VCPIP1: variants seen among roughly 807,000 people sequenced by gnomAD.
VCPIP1 encodes deubiquitinating protein VCPIP1.
A neutral mutation model predicts 85.0 loss-of-function variants in VCPIP1; 8 were observed. That is an observed-to-expected ratio of 0.09 (90% CI 0.06 to 0.17). VCPIP1 has a LOEUF of 0.17. VCPIP1 is among the 10% of genes least tolerant of loss of function. The pLI is 1.00. For missense variants in VCPIP1, 1,070 were observed against 1,486.3 expected, an observed-to-expected ratio of 0.72 and a Z score of 4.61; for synonymous variants, 543 against 544.5, an observed-to-expected ratio of 1.00 and a Z score of 0.04.
Position 66,664,387 on chromosome 8 carries a change from C to T in VCPIP1, c.2572G>A (p.Gly858Ser). ...IEILKSKAEG[G>S]QSAAAHSAHT... ...GCTGAGTGTGCTGCAGCAGACTGAC[C>T]ACCTTCAGCTTTACTTTTTAGAATT... The change falls in exon 1 of 3, where the codon GGT becomes AGT. Residue 858 changes from glycine to serine, a missense_variant. Physicochemically the swap from Gly to Ser is moderately conservative, Grantham distance 56 (BLOSUM62 0). Coordinates refer to ENST00000310421, the MANE Select transcript of VCPIP1 (RefSeq NM_025054.5). The T allele has an allele frequency of 6.2e-7, 1 of 1,613,704 alleles. No individual in the cohort carries two copies. Among genetic ancestry groups the T allele is most frequent in the South Asian group, 1.1e-5 (1 of 91,078 alleles).
rs1811195122 is a variant in VCPIP1 at position 66,665,089 on chromosome 8, C to T, written c.1870G>A (p.Asp624Asn). 2 of 1,613,966 alleles carry T rather than the reference C, an allele frequency of 1.2e-6. No individual in the cohort carries two copies. The highest frequency in any genetic ancestry group is 1.7e-6 in the Non-Finnish European group (2 of 1,179,944). The part of the protein sequence containing the change: ...SDSSLNSNVY[D>N]VAMKLVTKHF... ...TTGGTAACAAGTTTCATTGCAACAT[C>T]GTAAACATTACTATTCAAAGATGAA... The change falls in exon 1 of 3, where the codon GAT (aspartate) becomes AAT (asparagine). Residue 624 changes from aspartate (D) to asparagine (N), a missense_variant. Asp to Asn is a conservative substitution (Grantham distance 23). Coordinates refer to ENST00000310421, the MANE Select transcript of VCPIP1 (RefSeq NM_025054.5). This position sits in a 1 kb window ranked among gnomAD's most constrained non-coding sequence, Gnocchi z 4.3.
intron 2 of VCPIP1, among the ~76,000 whole-genome samples, chr8:66,635,786 G>A (rs893674433): frequency 9.2e-5 from 14 of 151,574 alleles, no homozygotes; most frequent in African/African-American, 2.2e-4. Context: ...GGCAGCAGGC[G>A]CCTGTAATCC....
chr8:66,641,119 T>C (rs562736669), intron 2 of VCPIP1, among the ~76,000 whole-genome samples: 2 of 152,290 alleles, frequency 1.3e-5, no homozygotes, highest in African/African-American at 4.8e-5. Flanking sequence ...TCCCGGCCCC[T>C]GTATCTGCTG....
At chr8:66,654,467 C>T (rs1038582279) in intron 1 of VCPIP1, among the ~76,000 whole-genome samples, 3 of 152,078 alleles carry the variant, frequency 2.0e-5, no homozygotes, top group East Asian at 1.9e-4. Context: ...CAGAGCAAGG[C>T]GCACACACAA....
chr8:66,664,111 C>G, intron 1 of VCPIP1, 138 bp downstream of exon 1: 2 of 1,162,480 alleles, frequency 1.7e-6, no homozygotes, highest in South Asian at 5.0e-5. Context: ...GTTCAAAATA[C>G]TAAAAATAAT....
At chr8:66,645,141 C>T (rs1318343793) in intron 2 of VCPIP1, among the ~76,000 whole-genome samples, 1 of 150,356 alleles carries the variant, frequency 6.7e-6, no homozygotes, top group African/African-American at 2.4e-5. Flanking sequence ...AAAAAAGAGG[C>T]CGGGCATGGT....
chr8:66,664,053 T>C, intron 1 of VCPIP1, among the ~76,000 whole-genome samples, 196 bp downstream of exon 1: 1 of 152,180 alleles, frequency 6.6e-6, no homozygotes, highest in Middle Eastern at 3.2e-3. Flanking sequence ...ACCTTAACTT[T>C]CTATTTTCCT....
chr8:66,647,263 T>C (rs1440077749), intron 2 of VCPIP1, among the ~76,000 whole-genome samples: 2 of 146,498 alleles, frequency 1.4e-5, no homozygotes, highest in African/African-American at 5.1e-5. Context: ...ATGGCTTGAA[T>C]CTGGGAGGCA....
At chr8:66,635,441 TTA>T in intron 2 of VCPIP1, 69 bp from the exon 3 acceptor site, 2 of 1,380,718 alleles carry the variant, frequency 1.4e-6, no homozygotes, top group Non-Finnish European at 1.9e-6. Flanking sequence ...GTCAAGACAA[TTA>T]TAGTTAAAAT....
At position 66,633,465 on chromosome 8, in the gene VCPIP1, G is replaced by A. The variant is rs1810853284; in HGVS notation, c.*1036C>T. 1 of 151,838 alleles carries A rather than the reference G, an allele frequency of 6.6e-6. No homozygotes were observed. Among genetic ancestry groups the A allele is most frequent in the Non-Finnish European group, 1.5e-5 (1 of 67,884 alleles). The allele number at this position is 151,838 out of a possible 1,614,324, so 9.4% of individuals were successfully genotyped here. Reference sequence around the variant, plus strand: ...AGGAAACTGGCACTGAAGATTTGATGAATACACTAAGCAAATACCCAGCTG... The same window carrying A: ...AGGAAACTGGCACTGAAGATTTGATAAATACACTAAGCAAATACCCAGCTG... On this transcript the variant is annotated 3_prime_UTR_variant, in exon 3 of 3. Transcript: ENST00000310421.
chr8:66,660,501 G>C (rs1378472347), intron 1 of VCPIP1, among the ~76,000 whole-genome samples: 7 of 152,158 alleles, frequency 4.6e-5, no homozygotes, highest in Non-Finnish European at 8.8e-5. Flanking sequence ...ACTTAAACGA[G>C]AAAGAACCAG....
Position 66,665,011 on chromosome 8 carries a change from T to A in VCPIP1, c.1948A>T (p.Thr650Ser), listed in dbSNP as rs766833549. The change falls in exon 1 of 3, where the codon ACT (threonine) becomes TCT (serine). Residue 650 changes from threonine (T) to serine (S), a missense_variant. Transcript: ENST00000310421. The surrounding 1 kb of genome is among the most constrained non-coding windows in gnomAD (Gnocchi z 4.3). ...SEILVQKVVHTILHQTAKKNP... is the reference protein window; with the variant it reads ...SEILVQKVVHSILHQTAKKNP... ...TTTTTGGCAGTCTGATGCAATATAGTGTGGACAACTTTCTGAACTAGGATT... is the reference window on the plus strand; with the variant it reads ...TTTTTGGCAGTCTGATGCAATATAGAGTGGACAACTTTCTGAACTAGGATT... 5 of 1,613,810 alleles carry A rather than the reference T, an allele frequency of 3.1e-6. No individual in the cohort carries two copies. Among genetic ancestry groups the A allele is most frequent in the Non-Finnish European group, 4.2e-6 (5 of 1,179,812 alleles).
Position 66,633,603 on chromosome 8 carries a change from A to ACTTAGCATATACAGG in VCPIP1, c.*883_*897dup, listed in dbSNP as rs1810855069. 1 of 152,126 alleles carries ACTTAGCATATACAGG rather than the reference A, an allele frequency of 6.6e-6. No homozygotes were observed. Among genetic ancestry groups the ACTTAGCATATACAGG allele is most frequent in the African/African-American group, 2.4e-5 (1 of 41,452 alleles). 9.4% of individuals were successfully genotyped at this position (152,126 alleles called of 1,614,324 possible). On this transcript the variant is annotated 3_prime_UTR_variant, in exon 3 of 3. Coordinates refer to ENST00000310421, the MANE Select transcript of VCPIP1 (RefSeq NM_025054.5). ...TTTTGGCTCAAAGGGGCATAAATAC[A>ACTTAGCATATACAGG]CTTAGCATATACAGGCTTAAATACC...
chr8:66,635,905 C>G (rs986497725), intron 2 of VCPIP1, among the ~76,000 whole-genome samples: 20 of 124,314 alleles, frequency 1.6e-4, no homozygotes, highest in African/African-American at 6.3e-4. Context: ...AAGAGTGAAA[C>G]TCTATCTCAA....
At chr8:66,644,434 T>C (rs1446661430) in intron 2 of VCPIP1, among the ~76,000 whole-genome samples, 2 of 152,186 alleles carry the variant, frequency 1.3e-5, no homozygotes, top group East Asian at 1.9e-4. Context: ...AAAAACCATA[T>C]GATCATCTTG....
intron 2 of VCPIP1, among the ~76,000 whole-genome samples, chr8:66,639,178 T>A (rs1810922635): frequency 6.6e-6 from 1 of 151,060 alleles, no homozygotes; most frequent in Non-Finnish European, 1.5e-5. Flanking sequence ...AGAGACAGGG[T>A]TTCATCATGT....
At chr8:66,660,800 T>C (rs1811147874) in intron 1 of VCPIP1, among the ~76,000 whole-genome samples, 1 of 152,152 alleles carries the variant, frequency 6.6e-6, no homozygotes, top group African/African-American at 2.4e-5. Context: ...TCCCAGCACT[T>C]TGGGAGGCCG....
chr8:66,646,043 A>G (rs1394333629), intron 2 of VCPIP1, among the ~76,000 whole-genome samples: 1 of 152,088 alleles, frequency 6.6e-6, no homozygotes, highest in East Asian at 1.9e-4. Context: ...ACAACGGGTT[A>G]CAGCCAGATA....
At chr8:66,650,294 G>A (rs1811039436) in intron 2 of VCPIP1, among the ~76,000 whole-genome samples, 1 of 152,118 alleles carries the variant, frequency 6.6e-6, no homozygotes, top group Non-Finnish European at 1.5e-5. Flanking sequence ...TTTTGTATAT[G>A]TTTGAATATT....
Sources: allele counts gnomAD v4.1 joint callset (sites outside exome capture counted in the v4.1 genomes callset), GRCh38; gene constraint gnomAD v4.1.1; non-coding constraint Gnocchi (gnomAD v3.1); transcripts MANE v1.5; gene names NCBI Gene and HGNC (gene_info 2026-07-23, HGNC 2026-07-21).